PTPRB: variants seen among roughly 807,000 people sequenced by gnomAD.
PTPRB encodes protein tyrosine phosphatase receptor type B.
In PTPRB, 97 loss-of-function variants were observed where a neutral mutation model predicts 238.1. The observed-to-expected ratio is 0.41, with a 90% confidence interval of 0.35 to 0.48. The LOEUF (loss-of-function observed/expected upper bound fraction) is 0.48, where lower values mean the gene tolerates loss of function less well. Ranked by LOEUF, PTPRB falls within the 20% of genes least tolerant of loss-of-function variation. PTPRB has a pLI of 0.30. For synonymous variants in PTPRB, 970 were observed against 995.4 expected (o/e 0.97, Z 0.48); for missense variants, 2,292 against 2,681.9 (o/e 0.85, Z 3.21).
In PTPRB at chr12:70,592,497, G is replaced by T. The variant is rs755358741; in HGVS notation, c.1565C>A (p.Thr522Asn). Residue 522 changes from threonine to asparagine, a missense_variant, in exon 7 of 34, where the codon ACC becomes AAC. By Grantham distance (65) the Thr-to-Asn change is moderately conservative. Around this residue, in one of 4 missense-constraint regions of PTPRB, gnomAD observed 1,205 missense variants for 1,287.8 expected, o/e 0.94. Transcript: ENST00000334414. The part of the protein sequence containing the change: ...NLKVTNDGSL[T>N]SLKVKWQRPP... ...TCTTTGCCATTTGACTTTTAGAGAG[G>T]TCAAACTGCCATCATTTGTCACCTT... 9 of 1,613,668 alleles carry T rather than the reference G, an allele frequency of 5.6e-6. No individual in the cohort carries two copies. The highest frequency in any genetic ancestry group is 1.3e-5 in the African/African-American group (1 of 74,896).
intron 4 of PTPRB, among the ~76,000 whole-genome samples, chr12:70,601,375 A>T (rs1883474829): frequency 1.3e-5 from 2 of 152,194 alleles, no homozygotes; most frequent in South Asian, 4.1e-4. Context: ...TGTCATCTTC[A>T]TTCCCCTTGA....
chr12:70,535,908 A>G, intron 29 of PTPRB, 117 bp downstream of exon 29: 6 of 1,284,414 alleles, frequency 4.7e-6, no homozygotes, highest in Non-Finnish European at 6.6e-6. Context: ...TAAGTCACTA[A>G]CAATGCTCTC....
chr12:70,545,229 A>G (rs958267995), intron 21 of PTPRB, among the ~76,000 whole-genome samples: 4 of 152,226 alleles, frequency 2.6e-5, no homozygotes, highest in Admixed American at 2.0e-4. Context: ...AAAACTATTG[A>G]GAAGTAGACT....
intron 28 of PTPRB, among the ~76,000 whole-genome samples, chr12:70,537,510 A>G (rs1874353567): frequency 6.6e-6 from 1 of 152,156 alleles, no homozygotes; most frequent in South Asian, 2.1e-4. Context: ...CCATGCCTGT[A>G]AACAGCTCAG....
chr12:70,569,444 A>G lies in PTPRB; in HGVS notation c.3634+231T>C, dbSNP rs373805263. Among the ~76,000 whole-genome samples the G allele has an allele frequency of 2.0e-5, 3 of 152,214 alleles. No homozygotes were observed. In the South Asian group the frequency reaches 6.2e-4, roughly 32 times the overall value. ...AAAATTTTATTATCCTTTAGCAAGT[A>G]TAAAAATGTGTTCAAATGATTTGGT... On this transcript the variant is annotated intron_variant, in intron 14 of 33. Transcript: ENST00000334414.
intron 14 of PTPRB, among the ~76,000 whole-genome samples, chr12:70,568,738 T>C (rs1371323618): frequency 6.6e-6 from 1 of 152,216 alleles, no homozygotes; most frequent in African/African-American, 2.4e-5. Context: ...GTCATGAGAA[T>C]GGGAGACATC....
chr12:70,564,488 C>A (rs1272365308), intron 15 of PTPRB, among the ~76,000 whole-genome samples: 1 of 143,254 alleles, frequency 7.0e-6, no homozygotes, highest in Non-Finnish European at 1.5e-5. Flanking sequence ...CACTGCACTC[C>A]AGCTTGGGCA....
intron 31 of PTPRB, among the ~76,000 whole-genome samples, 190 bp from the exon 32 acceptor site, chr12:70,532,360 C>T (rs1283046578): frequency 7.9e-6 from 1 of 126,608 alleles, no homozygotes; most frequent in Non-Finnish European, 1.6e-5. Context: ...CTATCTCTTT[C>T]CACTCCCTTC....
In PTPRB at chr12:70,521,389, T is replaced by C; in HGVS notation, c.*100A>G. The C allele has an allele frequency of 1.3e-6, 1 of 762,472 alleles. No individual in the cohort carries two copies. The highest frequency in any genetic ancestry group is 2.0e-6 in the Non-Finnish European group (1 of 501,258). 47.2% of individuals were successfully genotyped at this position (762,472 alleles called of 1,614,324 possible). A position where few individuals can be genotyped will look rare whatever the true frequency, so the allele number is the denominator to read the frequency against. On this transcript the variant is annotated 3_prime_UTR_variant, in exon 34 of 34. Coordinates refer to ENST00000334414, the MANE Select transcript of PTPRB (RefSeq NM_001109754.4). ...CCAGATTAATAAATTATACATAGTA[T>C]CAACAGAAATAGCTGGCACCTCTGT...
chr12:70,547,533 T>G (rs1413397113), intron 21 of PTPRB, among the ~76,000 whole-genome samples: 2 of 149,522 alleles, frequency 1.3e-5, no homozygotes, highest in South Asian at 4.3e-4. Flanking sequence ...TTTTTTTTTT[T>G]TTTTTTTTTG....
intron 6 of PTPRB, among the ~76,000 whole-genome samples, chr12:70,593,480 T>G (rs925084017): frequency 8.5e-6 from 1 of 117,388 alleles, no homozygotes; most frequent in Non-Finnish European, 1.6e-5. Flanking sequence ...ACCATTGCAC[T>G]CCAGCCCAGC....
At chr12:70,592,182 T>A (rs543571051) in intron 7 of PTPRB, 100 bp downstream of exon 7, 1 of 1,519,050 alleles carries the variant, frequency 6.6e-7, no homozygotes, top group Non-Finnish European at 9.0e-7. Context: ...ACTTCTCAGA[T>A]TGGGAAAGGA....
intron 18 of PTPRB, among the ~76,000 whole-genome samples, chr12:70,558,126 C>T (rs1877973553): frequency 6.6e-6 from 1 of 152,130 alleles, no homozygotes; most frequent in East Asian, 1.9e-4. Flanking sequence ...GTTTCCCTGG[C>T]TACTCTAATA....
At chr12:70,543,616 G>GAGAC (rs1043048676) in intron 22 of PTPRB, among the ~76,000 whole-genome samples, 1 of 152,174 alleles carries the variant, frequency 6.6e-6, no homozygotes, top group African/African-American at 2.4e-5. Context: ...TGCAGCACGA[G>GAGAC]AGACAGTTTT....
At position 70,569,861 on chromosome 12, in the gene PTPRB, C is replaced by A. The variant is rs147424169; in HGVS notation, c.3448G>T (p.Gly1150Trp). The change falls in exon 14 of 34, where the codon GGG (glycine) becomes TGG (tryptophan). Residue 1150 changes from glycine to tryptophan, a missense_variant. This residue lies in a region of PTPRB where 683 missense variants were observed against 862.0 expected (regional missense o/e 0.79). Coordinates refer to ENST00000334414, the MANE Select transcript of PTPRB (RefSeq NM_001109754.4). The stretch of plus-strand genomic sequence containing the variant: ...ACCGTGTAGGAATCAACGTCTCCCC[C>A]ACCAGGAGTCCAGTTCACCGTCAGG... ...DSLTVNWTPG[G>W]GDVDSYTVSA... 341 of 1,613,990 alleles carry A rather than the reference C, an allele frequency of 2.1e-4. 1 individual carries two copies. In the East Asian group the frequency reaches 6.2e-3, roughly 30 times the overall value.
chr12:70,553,549 C>A (rs1180228509), intron 20 of PTPRB, among the ~76,000 whole-genome samples: 1 of 152,170 alleles, frequency 6.6e-6, no homozygotes, highest in Non-Finnish European at 1.5e-5. Context: ...ACAGTTTAAT[C>A]CCCATCCAAA....
At chr12:70,614,782 C>T (rs545493347) in intron 3 of PTPRB, among the ~76,000 whole-genome samples, 8 of 152,226 alleles carry the variant, frequency 5.3e-5, no homozygotes, top group South Asian at 2.1e-4. Context: ...AGTTTTACTT[C>T]GAACCGGCTC....
intron 21 of PTPRB, among the ~76,000 whole-genome samples, chr12:70,551,930 C>G (rs554092656): frequency 8.5e-5 from 13 of 152,216 alleles, no homozygotes; most frequent in African/African-American, 3.1e-4. Flanking sequence ...GACAGCTGCT[C>G]CTTTTCATTA....
intron 28 of PTPRB, among the ~76,000 whole-genome samples, chr12:70,537,093 G>A (rs1363871988): frequency 6.6e-6 from 1 of 152,006 alleles, no homozygotes; most frequent in South Asian, 2.1e-4. Context: ...GATCTTCCTG[G>A]CTAACACGGT....
Sources: allele counts gnomAD v4.1 joint callset (sites outside exome capture counted in the v4.1 genomes callset), GRCh38; gene constraint gnomAD v4.1.1; regional missense constraint gnomAD v4.1.1; transcripts MANE v1.5; gene names NCBI Gene and HGNC (gene_info 2026-07-23, HGNC 2026-07-21).